Variants in FLOT2 observed in about 807,000 individuals in gnomAD.
FLOT2 encodes flotillin 2, also known as flotillin-2.
A neutral mutation model predicts 54.9 loss-of-function variants in FLOT2; 35 were observed. That is an observed-to-expected ratio of 0.64 (90% CI 0.49 to 0.84). The LOEUF (loss-of-function observed/expected upper bound fraction) is 0.84. Among genes scored for constraint, FLOT2 ranks in the 40% least tolerant of loss-of-function variants. The pLI is 0.00. For missense variants in FLOT2, 464 were observed against 572.1 expected, an observed-to-expected ratio of 0.81 and a Z score of 1.93; for synonymous variants, 207 against 228.9, an observed-to-expected ratio of 0.90 and a Z score of 0.86.
chr17:28,882,231 C>T lies in FLOT2; in HGVS notation c.586G>A (p.Glu196Lys). 3 of 1,614,182 alleles carry T rather than the reference C, an allele frequency of 1.9e-6. No homozygotes were observed. In the East Asian group the frequency reaches 6.7e-5, roughly 36 times the overall value. The change falls in exon 7 of 11, where the codon GAG becomes AAG. Residue 196 changes from glutamate to lysine, a missense_variant. By Grantham distance (56) the Glu-to-Lys change is moderately conservative. Transcript: ENST00000394908. This position sits in a 1 kb window ranked among gnomAD's most constrained non-coding sequence, Gnocchi z 5.6. ...ACATCCAGCATCTCCTTCTTGCACT[C>T]AGCTTCCTGGGGACAAAAGGGGCAG... is the stretch of plus-strand genomic sequence containing the variant. Reference protein sequence around the residue: ...AERDAGIREAECKKEMLDVKF... With the variant: ...AERDAGIREAKCKKEMLDVKF...
rs2152646670 is a variant in FLOT2, at chr17:28,882,940, A to C, written c.346+168T>G. On this transcript the variant is annotated intron_variant, in intron 4 of 10. Coordinates refer to ENST00000394908, the MANE Select transcript of FLOT2 (RefSeq NM_004475.3). The surrounding 1 kb of genome is among the most constrained non-coding windows in gnomAD (Gnocchi z 5.6). ...CAGCCCCCATCCCACCCCTTCACTC[A>C]TACCCTCTCCTTAACTCAAGTCACC... The C allele has an allele frequency of 4.1e-6, 3 of 726,780 alleles. No individual in the cohort carries two copies. The highest frequency in any genetic ancestry group is 2.8e-5 in the Admixed American group (1 of 35,318). The allele number at this position is 726,780 out of a possible 1,614,324, so 45.0% of individuals were successfully genotyped here.
At chr17:28,887,051 G>A (rs1401802127) in intron 2 of FLOT2, among the ~76,000 whole-genome samples, 4 of 152,102 alleles carry the variant, frequency 2.6e-5, no homozygotes, top group African/African-American at 9.7e-5. Flanking sequence ...GGGGAGGGAA[G>A]AAGGGAGGCT....
chr17:28,881,439 G>A, intron 8 of FLOT2, 64 bp from the exon 9 acceptor site: 1 of 1,533,486 alleles, frequency 6.5e-7, no homozygotes, highest in Non-Finnish European at 8.9e-7. Flanking sequence ...GCCTTGCCTG[G>A]GGGCCAGCAA....
intron 2 of FLOT2, among the ~76,000 whole-genome samples, chr17:28,886,420 G>A (rs1306470805): frequency 2.6e-5 from 4 of 152,204 alleles, no homozygotes; most frequent in Non-Finnish European, 5.9e-5. Flanking sequence ...AGCAAATGCC[G>A]AATCCGCCAG....
rs1243454771 is a variant in FLOT2, at chr17:28,897,705, C to G, written c.-131G>C. Reference sequence around the variant, plus strand: ...GCCGCCCGCTCGCTCGCCCGCGCCCCTCTGCGGTCGCAGCCCCGCCGGAAG... The same window carrying G: ...GCCGCCCGCTCGCTCGCCCGCGCCCGTCTGCGGTCGCAGCCCCGCCGGAAG... On this transcript the variant is annotated 5_prime_UTR_variant, in exon 1 of 11. Coordinates refer to ENST00000394908, the MANE Select transcript of FLOT2 (RefSeq NM_004475.3). This position sits in a 1 kb window ranked among gnomAD's most constrained non-coding sequence, Gnocchi z 4.4. 1.3e-6 allele frequency: 1 copy of G among 794,128 alleles called. No individual in the cohort carries two copies. The highest frequency in any genetic ancestry group is 1.7e-6 in the Non-Finnish European group (1 of 585,762). 49.2% of individuals were successfully genotyped at this position (794,128 alleles called of 1,614,324 possible).
chr17:28,881,935 T>C lies in FLOT2; in HGVS notation c.793A>G (p.Lys265Glu), dbSNP rs775724327. 1.9e-6 allele frequency: 3 copies of C among 1,613,954 alleles called. No homozygotes were observed. Among genetic ancestry groups the C allele is most frequent in the Non-Finnish European group, 1.7e-6 (2 of 1,180,056 alleles). The change falls in exon 8 of 11, where the codon AAG becomes GAG. Residue 265 changes from lysine to glutamate, a missense_variant. Coordinates refer to ENST00000394908, the MANE Select transcript of FLOT2 (RefSeq NM_004475.3). ...TGTGCCTCCACGGCAATCTGTTTCT[T>C]GCGCTGCACAACCTCAATCTCAATC... Reference protein sequence around the residue: ...EEIEIEVVQRKKQIAVEAQEI... With the variant: ...EEIEIEVVQREKQIAVEAQEI...
At position 28,897,414 on chromosome 17, in the gene FLOT2, G is replaced by T; in HGVS notation, c.49+112C>A. The T allele has an allele frequency of 9.4e-7, 1 of 1,063,310 alleles. No homozygotes were observed. Among genetic ancestry groups the T allele is most frequent in the Non-Finnish European group, 1.3e-6 (1 of 746,914 alleles). 65.9% of individuals were successfully genotyped at this position (1,063,310 alleles called of 1,614,324 possible). A position where few individuals can be genotyped will look rare whatever the true frequency, so the allele number is the denominator to read the frequency against. On this transcript the variant is annotated intron_variant, in intron 1 of 10. Coordinates refer to ENST00000394908, the MANE Select transcript of FLOT2 (RefSeq NM_004475.3). The surrounding 1 kb of genome is among the most constrained non-coding windows in gnomAD (Gnocchi z 4.4). ...GGCCTCAGGTGCGGCCCGGGGGCCA[G>T]CGCCCTGCGCCGCGCGGTGGACTCA... is the stretch of plus-strand genomic sequence containing the variant.
chr17:28,881,005 G>A (rs1460958167), intron 9 of FLOT2, 143 bp from the exon 10 acceptor site: 15 of 1,178,342 alleles, frequency 1.3e-5, no homozygotes, highest in Admixed American at 3.8e-5. Flanking sequence ...GGTAAGAGAC[G>A]CCCTGTGGGC....
At chr17:28,894,217 T>C (rs2039702275) in intron 1 of FLOT2, among the ~76,000 whole-genome samples, 1 of 152,226 alleles carries the variant, frequency 6.6e-6, no homozygotes, top group African/African-American at 2.4e-5. Context: ...CTGGGCATGA[T>C]GGCTCATGAC....
In FLOT2 at chr17:28,897,658, A is replaced by G. The variant is rs1010559085; in HGVS notation, c.-84T>C. ...CTGCAGCGCCGGCCGCGCCCAGCCT[A>G]TCCCGCCACCCCCAGCGGCCGGCCG... On this transcript the variant is annotated 5_prime_UTR_variant, in exon 1 of 11. Coordinates refer to ENST00000394908, the MANE Select transcript of FLOT2 (RefSeq NM_004475.3). This position sits in a 1 kb window ranked among gnomAD's most constrained non-coding sequence, Gnocchi z 4.4. 2.5e-5 allele frequency: 30 copies of G among 1,206,452 alleles called. No individual in the cohort carries two copies. The highest frequency in any genetic ancestry group is 3.2e-5 in the Non-Finnish European group (30 of 938,692). 74.7% of individuals were successfully genotyped at this position (1,206,452 alleles called of 1,614,324 possible). A position where few individuals can be genotyped will look rare whatever the true frequency, so the allele number is the denominator to read the frequency against.
chr17:28,889,582 T>G (rs1327579466), intron 1 of FLOT2, among the ~76,000 whole-genome samples: 1 of 151,842 alleles, frequency 6.6e-6, no homozygotes, highest in Non-Finnish European at 1.5e-5. Flanking sequence ...TCTGCCTGCC[T>G]TGGCCTCCCA....
intron 1 of FLOT2, among the ~76,000 whole-genome samples, chr17:28,895,983 C>A (rs1054445689): frequency 1.5e-4 from 23 of 152,222 alleles, no homozygotes; most frequent in African/African-American, 5.3e-4. Context: ...GGAGTCCACA[C>A]ACAAGAGGGA....
chr17:28,885,206 T>C (rs1401454915), intron 2 of FLOT2, among the ~76,000 whole-genome samples: 2 of 152,146 alleles, frequency 1.3e-5, no homozygotes, highest in African/African-American at 2.4e-5. Flanking sequence ...GCACCTCCCA[T>C]GGCTACAAGG....
chr17:28,886,098 C>A, intron 2 of FLOT2: 2 of 661,140 alleles, frequency 3.0e-6, no homozygotes, highest in Non-Finnish European at 5.5e-6. Flanking sequence ...CCCCCAACTG[C>A]CAGCTCAGCC....
rs1252300464 is a variant in FLOT2, at chr17:28,882,373, A to G, written c.543T>C (p.Ile181=). ...CGTCCCGTTCAGCCTCGGCCACGCC[A>G]ATGTCAGCATCTCTCTGCACCACGG... The part of the protein sequence containing the change: ...QTAVVQRDAD[I]GVAEAERDAG... The change falls in exon 6 of 11, where the codon ATT becomes ATC. Residue 181 remains isoleucine, a synonymous_variant. Coordinates refer to ENST00000394908, the MANE Select transcript of FLOT2 (RefSeq NM_004475.3). This position sits in a 1 kb window ranked among gnomAD's most constrained non-coding sequence, Gnocchi z 5.6. 3.1e-6 allele frequency: 5 copies of G among 1,614,082 alleles called. No individual in the cohort carries two copies. The highest frequency in any genetic ancestry group is 4.5e-5 in the East Asian group (2 of 44,876).
Position 28,897,578 on chromosome 17 carries a change from G to T in FLOT2, c.-4C>A. On this transcript the variant is annotated 5_prime_UTR_variant, in exon 1 of 11. Transcript: ENST00000394908. The surrounding 1 kb of genome is among the most constrained non-coding windows in gnomAD (Gnocchi z 4.4). ...CCACCGTGTGGCAATTGCCCATGGC[G>T]CCGGCGGCACGGAGGGCCCTCGGGA... 1 of 1,596,144 alleles carries T rather than the reference G, an allele frequency of 6.3e-7. No individual in the cohort carries two copies. The highest frequency in any genetic ancestry group is 8.5e-7 in the Non-Finnish European group (1 of 1,171,960).
Position 28,881,382 on chromosome 17 carries a change from G to T in FLOT2, c.915-7C>A, listed in dbSNP as rs1376479478. ...CAAGAGGACCTGCTTCACCCTGGGG[G>T]AGCCCAGGCCAGTTAGGATCAGTGG... On this transcript the variant is annotated splice_polypyrimidine_tract_variant and splice_region_variant and intron_variant, in intron 8 of 10. Transcript: ENST00000394908. 5 of 1,609,474 alleles carry T rather than the reference G, an allele frequency of 3.1e-6. No homozygotes were observed. The South Asian group carries it at 4.4e-5, about 14-fold the overall frequency.
At position 28,880,861 on chromosome 17, in the gene FLOT2, A is replaced by G; in HGVS notation, c.1100T>C (p.Ile367Thr). The G allele has an allele frequency of 6.2e-7, 1 of 1,613,906 alleles. No individual in the cohort carries two copies. The change falls in exon 10 of 11, where the codon ATT becomes ACT. Residue 367 changes from isoleucine to threonine, a missense_variant and splice_region_variant. Coordinates refer to ENST00000394908, the MANE Select transcript of FLOT2 (RefSeq NM_004475.3). ...AAGTGGGGCAGCGATTTTGGCAGCA[A>G]TCTAGGAGGTAAGAGTGGGAGGACA... is the stretch of plus-strand genomic sequence containing the variant. Reference protein sequence around the residue: ...MALVLEALPQIAAKIAAPLTK... With the variant: ...MALVLEALPQTAAKIAAPLTK...
chr17:28,883,071 C>T lies in FLOT2; in HGVS notation c.346+37G>A. 1 of 1,609,532 alleles carries T rather than the reference C, an allele frequency of 6.2e-7. No individual in the cohort carries two copies. The highest frequency in any genetic ancestry group is 8.5e-7 in the Non-Finnish European group (1 of 1,176,612). On this transcript the variant is annotated intron_variant, in intron 4 of 10. Coordinates refer to ENST00000394908, the MANE Select transcript of FLOT2 (RefSeq NM_004475.3). This position sits in a 1 kb window ranked among gnomAD's most constrained non-coding sequence, Gnocchi z 5.0. ...ACACCTCCCTGCCTTGGCTTAGGGG[C>T]CCCGTGAGGCTCCTCAAAGGCTGAA...
Sources: gnomAD v4.1 joint callset for allele counts (sites outside exome capture counted in the v4.1 genomes callset) on GRCh38, gnomAD v4.1.1 for gene constraint, Gnocchi (gnomAD v3.1) non-coding constraint, MANE v1.5 for transcripts, NCBI Gene and HGNC (gene_info 2026-07-23, HGNC 2026-07-21) for gene names.